Variants in PARN observed in about 807,000 individuals in gnomAD.
PARN encodes poly(A)-specific ribonuclease.
A neutral mutation model predicts 102.8 loss-of-function variants in PARN; 71 were observed. The ratio of observed to expected loss-of-function variants is 0.69; its 90% CI spans 0.57 to 0.84. PARN has a LOEUF of 0.84. Among genes scored for constraint, PARN ranks in the 40% least tolerant of loss-of-function variants. The pLI is 0.00. For synonymous variants in PARN, 261 were observed against 252.9 expected, an observed-to-expected ratio of 1.03 and a Z score of -0.30; for missense variants, 782 against 760.9, an observed-to-expected ratio of 1.03 and a Z score of -0.33.
At chr16:14,454,901 T>A (rs1961612530) in intron 22 of PARN, among the ~76,000 whole-genome samples, 2 of 152,204 alleles carry the variant, frequency 1.3e-5, no homozygotes, top group Admixed American at 1.3e-4. Flanking sequence ...TTCTATAAAG[T>A]AAGATATAAT....
At chr16:14,552,643 A>G (rs1223584138) in intron 20 of PARN, among the ~76,000 whole-genome samples, 1 of 152,024 alleles carries the variant, frequency 6.6e-6, no homozygotes, top group African/African-American at 2.4e-5. Flanking sequence ...GCTTACACAT[A>G]ATCTTATTGA....
chr16:14,553,520 T>G (rs1308226732), intron 20 of PARN, among the ~76,000 whole-genome samples: 1 of 152,228 alleles, frequency 6.6e-6, no homozygotes, highest in Non-Finnish European at 1.5e-5. Context: ...AATGCTTCGT[T>G]TGTTAAAATA....
At chr16:14,617,143 T>TG (rs1247841546) in intron 6 of PARN, among the ~76,000 whole-genome samples, 5 of 151,044 alleles carry the variant, frequency 3.3e-5, no homozygotes, top group African/African-American at 1.2e-4. Flanking sequence ...CCAGCATTTT[T>TG]GGAGGCCAAG....
intron 6 of PARN, among the ~76,000 whole-genome samples, chr16:14,614,236 A>T (rs1307827613): frequency 6.6e-6 from 1 of 152,012 alleles, no homozygotes; most frequent in Non-Finnish European, 1.5e-5. Flanking sequence ...CAGCCTGGTG[A>T]CAAAGCAACA....
intron 14 of PARN, 21 bp from the exon 15 acceptor site, chr16:14,584,812 G>C: frequency 1.4e-6 from 2 of 1,438,436 alleles, no homozygotes; most frequent in South Asian, 2.6e-5. Flanking sequence ...TTTTTAACAA[G>C]GTAAACAAAA....
intron 12 of PARN, among the ~76,000 whole-genome samples, chr16:14,595,710 C>T (rs1970463433): frequency 6.6e-6 from 1 of 151,974 alleles, no homozygotes; most frequent in South Asian, 2.1e-4. Context: ...TTTGGATTTT[C>T]AGTAGAGACG....
intron 21 of PARN, among the ~76,000 whole-genome samples, chr16:14,523,224 T>TAC (rs35250440): frequency 0.14 from 20,154 of 144,020 alleles, 1,388 homozygotes; most frequent in East Asian, 0.24. Flanking sequence ...AACTAACAAG[T>TAC]ACACACACAC....
intron 18 of PARN, among the ~76,000 whole-genome samples, chr16:14,569,173 C>A (rs1968631063): frequency 6.6e-6 from 1 of 151,330 alleles, no homozygotes; most frequent in Admixed American, 6.6e-5. Flanking sequence ...GATCACGCCA[C>A]TGCACTCCAG....
At chr16:14,624,014 T>G (rs948299201) in intron 5 of PARN, among the ~76,000 whole-genome samples, 2 of 152,216 alleles carry the variant, frequency 1.3e-5, no homozygotes, top group Admixed American at 1.3e-4. Flanking sequence ...AATGTCATGC[T>G]ATGCTGACTG....
chr16:14,510,609 T>C (rs951060779), intron 21 of PARN, among the ~76,000 whole-genome samples: 2 of 152,170 alleles, frequency 1.3e-5, no homozygotes, highest in Non-Finnish European at 2.9e-5. Context: ...AAACAACAAA[T>C]AAGGAAACCC....
chr16:14,532,235 G>C (rs904896877), intron 21 of PARN, among the ~76,000 whole-genome samples: 12 of 149,580 alleles, frequency 8.0e-5, no homozygotes, highest in African/African-American at 2.5e-4. Context: ...GGGGGATTTG[G>C]CAGGGTCATA....
intron 21 of PARN, among the ~76,000 whole-genome samples, chr16:14,538,541 A>C (rs1469170345): frequency 6.6e-6 from 1 of 152,080 alleles, no homozygotes; most frequent in Non-Finnish European, 1.5e-5. Context: ...ATTTTCAATG[A>C]GATTGATGTA....
At chr16:14,547,829 G>C (rs1238316992) in intron 21 of PARN, among the ~76,000 whole-genome samples, 1 of 152,206 alleles carries the variant, frequency 6.6e-6, no homozygotes, top group Non-Finnish European at 1.5e-5. Flanking sequence ...GTTTGTAACA[G>C]AGCCAAAGAA....
intron 21 of PARN, among the ~76,000 whole-genome samples, chr16:14,499,610 T>G (rs1964483954): frequency 6.6e-6 from 1 of 152,260 alleles, no homozygotes. Flanking sequence ...AAATATTCAT[T>G]TTGCTTTCTA....
At chr16:14,537,069 C>T (rs1419070762) in intron 21 of PARN, among the ~76,000 whole-genome samples, 1 of 152,040 alleles carries the variant, frequency 6.6e-6, no homozygotes, top group Admixed American at 6.6e-5. Context: ...TCAGAATATA[C>T]AAGAACTCAG....
intron 21 of PARN, among the ~76,000 whole-genome samples, chr16:14,527,621 T>A (rs1018065128): frequency 6.6e-6 from 1 of 152,204 alleles, no homozygotes; most frequent in African/African-American, 2.4e-5. Flanking sequence ...TGTTTCTGTT[T>A]AAAGACATCT....
chr16:14,609,060 G>C lies in PARN; in HGVS notation c.618C>G (p.Thr206=), dbSNP rs776536192. ...ENKNLDLEPC[T]GFQRKLIYQT... ...CAGAAATGTTCAGGACAACTAACCC[G>C]GTACATGGCTCTAAATCCAAGTTCT... Residue 206 remains threonine, a splice_region_variant and synonymous_variant, in exon 8 of 24, where the codon ACC becomes ACG. Coordinates refer to ENST00000437198, the MANE Select transcript of PARN (RefSeq NM_002582.4). The C allele has an allele frequency of 6.4e-7, 1 of 1,562,076 alleles. No individual in the cohort carries two copies.
intron 5 of PARN, among the ~76,000 whole-genome samples, chr16:14,623,768 C>G (rs1231853964): frequency 1.3e-5 from 2 of 149,044 alleles, no homozygotes; most frequent in Non-Finnish European, 3.0e-5. Context: ...ACCCAGGAGG[C>G]AGAGGTTGCA....
At chr16:14,613,675 A>G (rs139781011) in intron 6 of PARN, among the ~76,000 whole-genome samples, 1 of 152,258 alleles carries the variant, frequency 6.6e-6, no homozygotes, top group Non-Finnish European at 1.5e-5. Flanking sequence ...AGAAAGAACA[A>G]TGAACGTAGA....
Sources: gnomAD v4.1 joint callset for allele counts (sites outside exome capture counted in the v4.1 genomes callset) on GRCh38, gnomAD v4.1.1 for gene constraint, MANE v1.5 for transcripts, NCBI Gene and HGNC (gene_info 2026-07-23, HGNC 2026-07-21) for gene names.